The following PPARGC1A variants were observed in gnomAD, a reference collection of about 807,000 sequenced individuals.
PPARGC1A encodes PPARG coactivator 1 alpha.
PPARGC1A carries 25 observed loss-of-function variants against 88.7 expected under a neutral mutation model. The ratio of observed to expected loss-of-function variants is 0.28; its 90% CI spans 0.21 to 0.39. The LOEUF is 0.39. PPARGC1A is among the 10% of genes least tolerant of loss of function. The pLI, the probability that PPARGC1A is intolerant of heterozygous loss-of-function variation, is 1.00. For missense variants in PPARGC1A, 880 were observed against 968.7 expected, an observed-to-expected ratio of 0.91 and a Z score of 1.22; for synonymous variants, 363 against 355.6, an observed-to-expected ratio of 1.02 and a Z score of -0.24.
intron 10 of PPARGC1A, among the ~76,000 whole-genome samples, chr4:23,808,144 G>T (rs1396653667): frequency 6.6e-6 from 1 of 151,746 alleles, no homozygotes; most frequent in South Asian, 2.1e-4. Flanking sequence ...CCAGCTACTC[G>T]GGAGGCTGAG....
the PPARGC1A span, among the ~76,000 whole-genome samples, chr4:23,965,673 CTG>C: frequency 7.2e-5 from 11 of 152,166 alleles, no homozygotes; most frequent in Admixed American, 6.5e-4. Context: ...GGCGAAGCTC[CTG>C]TGTGGAGGGT....
At chr4:23,857,371 GTGA>G (rs1560455820) in intron 2 of PPARGC1A, among the ~76,000 whole-genome samples, 1 of 99,894 alleles carries the variant, frequency 1.0e-5, no homozygotes, top group African/African-American at 4.3e-5. Context: ...GTGTGTGTGT[GTGA>G]CACACACACA....
At chr4:24,230,187 G>C in the PPARGC1A span, among the ~76,000 whole-genome samples, 1 of 152,140 alleles carries the variant, frequency 6.6e-6, no homozygotes, top group African/African-American at 2.4e-5. Flanking sequence ...ATCATCCTTA[G>C]TCATTCTTGC....
the PPARGC1A span, among the ~76,000 whole-genome samples, chr4:24,055,908 G>A: frequency 6.6e-6 from 1 of 152,218 alleles, no homozygotes; most frequent in African/African-American, 2.4e-5. Flanking sequence ...TCTGCATTAG[G>A]GAACACTTTC....
chr4:24,390,102 T>C, the PPARGC1A span, among the ~76,000 whole-genome samples: 2 of 8,854 alleles, frequency 2.3e-4, no homozygotes, highest in African/African-American at 2.5e-4. Context: ...TGAAAGAAAA[T>C]TCCAAAAAGC....
upstream of PPARGC1A, among the ~76,000 whole-genome samples, chr4:23,907,312 T>A (rs1282375851): frequency 6.6e-6 from 1 of 152,248 alleles, no homozygotes; most frequent in African/African-American, 2.4e-5. Flanking sequence ...AATAGTTTGA[T>A]GTCTGACGCA....
the PPARGC1A span, among the ~76,000 whole-genome samples, chr4:23,913,370 CT>C: frequency 2.7e-5 from 4 of 150,702 alleles, no homozygotes; most frequent in South Asian, 8.4e-4. Flanking sequence ...ACTGAATTCT[CT>C]CTATATGGCA....
intron 2 of PPARGC1A, among the ~76,000 whole-genome samples, chr4:23,852,923 T>G (rs1259090436): frequency 6.6e-6 from 1 of 152,140 alleles, no homozygotes; most frequent in African/African-American, 2.4e-5. Flanking sequence ...ACATCATCAC[T>G]GCCCTAAAAA....
chr4:24,387,758 GAGAGAGAGAGAA>G, the PPARGC1A span, among the ~76,000 whole-genome samples: 39 of 62,364 alleles, frequency 6.3e-4, no homozygotes, highest in East Asian at 6.3e-3. Flanking sequence ...GAGAGAGAGA[GAGAGAGAGAGAA>G]AGAAAGAAAG....
At chr4:24,067,407 GC>G in the PPARGC1A span, among the ~76,000 whole-genome samples, 1 of 152,220 alleles carries the variant, frequency 6.6e-6, no homozygotes, top group South Asian at 2.1e-4. Flanking sequence ...ACATCAAAAT[GC>G]CCCCAAAGGG....
chr4:24,242,796 C>T, the PPARGC1A span, among the ~76,000 whole-genome samples: 1 of 152,306 alleles, frequency 6.6e-6, no homozygotes, highest in African/African-American at 2.4e-5. Flanking sequence ...AGTCCCCAAG[C>T]TCACTCCTGT....
the PPARGC1A span, among the ~76,000 whole-genome samples, chr4:24,209,619 T>C: frequency 6.6e-6 from 1 of 152,208 alleles, no homozygotes; most frequent in Admixed American, 6.5e-5. Flanking sequence ...TTCTATGAGC[T>C]GTAGGCATGA....
At chr4:24,132,142 C>T in the PPARGC1A span, among the ~76,000 whole-genome samples, 2 of 152,090 alleles carry the variant, frequency 1.3e-5, no homozygotes, top group Non-Finnish European at 2.9e-5. Flanking sequence ...GTTATTATCC[C>T]TGTTTTGAAA....
chr4:24,127,933 G>C, the PPARGC1A span, among the ~76,000 whole-genome samples: 13 of 152,126 alleles, frequency 8.5e-5, no homozygotes, highest in African/African-American at 2.4e-4. Context: ...ATCAGACAAA[G>C]ACTAGTTTCC....
At chr4:24,051,630 G>A in the PPARGC1A span, among the ~76,000 whole-genome samples, 2 of 152,180 alleles carry the variant, frequency 1.3e-5, no homozygotes, top group Non-Finnish European at 2.9e-5. Flanking sequence ...TCTTAAATTT[G>A]TCACTGAAAA....
the PPARGC1A span, among the ~76,000 whole-genome samples, chr4:24,287,530 A>G: frequency 6.6e-6 from 1 of 152,018 alleles, no homozygotes; most frequent in Non-Finnish European, 1.5e-5. Flanking sequence ...CTGAGAAAAA[A>G]AAATCAAGCA....
At chr4:24,019,316 G>T in the PPARGC1A span, among the ~76,000 whole-genome samples, 1 of 152,022 alleles carries the variant, frequency 6.6e-6, no homozygotes, top group African/African-American at 2.4e-5. Context: ...TTTATGTCAG[G>T]TTCTGGCTAA....
chr4:24,229,473 C>T, the PPARGC1A span, among the ~76,000 whole-genome samples: 4 of 151,160 alleles, frequency 2.6e-5, no homozygotes, highest in African/African-American at 7.3e-5. Context: ...AAAAGTTCTC[C>T]AAGTAATTCT....
At chr4:23,985,430 G>T in the PPARGC1A span, among the ~76,000 whole-genome samples, 1 of 151,428 alleles carries the variant, frequency 6.6e-6, no homozygotes, top group East Asian at 2.0e-4. Flanking sequence ...GATGCATAAG[G>T]AAGTTTCCAG....
Sources: gnomAD v4.1 joint callset for allele counts (sites outside exome capture counted in the v4.1 genomes callset) on GRCh38, gnomAD v4.1.1 for gene constraint, MANE v1.5 for transcripts, NCBI Gene and HGNC (gene_info 2026-07-23, HGNC 2026-07-21) for gene names.